The following CA10 variants were observed in gnomAD, a reference collection of about 807,000 sequenced individuals.
CA10 encodes the protein carbonic anhydrase 10 (inactive).
In CA10, 14 loss-of-function variants were observed where a neutral mutation model predicts 44.2. The ratio of observed to expected loss-of-function variants is 0.32; its 90% CI spans 0.21 to 0.50. The LOEUF (loss-of-function observed/expected upper bound fraction) is 0.50, where lower values mean the gene tolerates loss of function less well. CA10 is among the 20% of genes least tolerant of loss of function. The probability of loss-of-function intolerance (pLI) is 0.99; values close to 1 mark genes in which losing one functional copy is unlikely to be tolerated. For synonymous variants in CA10, 159 were observed against 141.6 expected, an observed-to-expected ratio of 1.12 and a Z score of -0.87; for missense variants, 350 against 409.7, an observed-to-expected ratio of 0.85 and a Z score of 1.26.
intron 2 of CA10, among the ~76,000 whole-genome samples, chr17:52,030,283 C>T (rs1055991969): frequency 6.6e-6 from 1 of 152,120 alleles, no homozygotes; most frequent in Non-Finnish European, 1.5e-5. Context: ...AAGATCATGC[C>T]GTAGGGCCTG....
chr17:51,732,272 T>G (rs950099351), intron 4 of CA10, among the ~76,000 whole-genome samples: 2 of 152,230 alleles, frequency 1.3e-5, no homozygotes, highest in African/African-American at 4.8e-5. Flanking sequence ...GTCCCTGTGA[T>G]GAGGAAGACT....
intron 3 of CA10, chr17:51,748,390 C>T: frequency 1.4e-6 from 1 of 721,954 alleles, no homozygotes; most frequent in South Asian, 6.3e-5. Flanking sequence ...TAAAGGGATT[C>T]ACTCAAACTT....
chr17:51,632,734 A>G (rs1044640883), intron 8 of CA10, among the ~76,000 whole-genome samples: 1 of 152,162 alleles, frequency 6.6e-6, no homozygotes, highest in African/African-American at 2.4e-5. Flanking sequence ...AGGGCTCTCC[A>G]AGACCCCATC....
chr17:52,136,940 T>TAAAAA (rs1989373440), intron 1 of CA10, among the ~76,000 whole-genome samples: 1 of 152,190 alleles, frequency 6.6e-6, no homozygotes, highest in Non-Finnish European at 1.5e-5. Context: ...TAATGTGATC[T>TAAAAA]TTTACTAAAT....
chr17:52,070,521 G>A (rs1987653079), intron 2 of CA10: 1 of 152,146 alleles, frequency 6.6e-6, no homozygotes, highest in Non-Finnish European at 1.5e-5. Flanking sequence ...CTTGCTGACA[G>A]TCCTACCAAC....
chr17:51,752,494 G>A (rs1405480841), intron 3 of CA10, among the ~76,000 whole-genome samples: 1 of 152,086 alleles, frequency 6.6e-6, no homozygotes. Context: ...AGCAAAGGAA[G>A]TAAGCGGGGG....
intron 1 of CA10, among the ~76,000 whole-genome samples, chr17:52,125,214 G>A (rs539278001): frequency 1.7e-4 from 26 of 152,314 alleles, no homozygotes; most frequent in African/African-American, 5.1e-4. Context: ...TTCCGCCATC[G>A]TGGTACCTCC....
At chr17:52,064,983 T>C (rs1388100340) in intron 2 of CA10, among the ~76,000 whole-genome samples, 1 of 152,224 alleles carries the variant, frequency 6.6e-6, no homozygotes, top group African/African-American at 2.4e-5. Context: ...TTCCAGGATC[T>C]CCATCCAAAT....
In CA10 at chr17:52,018,571, C is replaced by T. The variant is rs762345969; in HGVS notation, c.136+53748G>A. Among the ~76,000 whole-genome samples the T allele has an allele frequency of 2.6e-5, 4 of 152,028 alleles. 1 individual carries two copies. The highest frequency in any genetic ancestry group is 9.7e-5 in the African/African-American group (4 of 41,432). ...TTGAAATAGAAATGTTTACTCAATG[C>T]CTGTACCACCATTATATCTAGGAAA... On this transcript the variant is annotated intron_variant, in intron 2 of 8. Coordinates refer to ENST00000451037, the MANE Select transcript of CA10 (RefSeq NM_020178.5).
chr17:52,018,285 C>A (rs900972481), intron 2 of CA10, among the ~76,000 whole-genome samples: 2 of 152,250 alleles, frequency 1.3e-5, no homozygotes, highest in Non-Finnish European at 2.9e-5. Context: ...GAGCCACTGA[C>A]AGCTTATGCC....
chr17:51,977,136 A>C (rs1439957049), intron 2 of CA10, among the ~76,000 whole-genome samples: 2 of 151,524 alleles, frequency 1.3e-5, no homozygotes, highest in Admixed American at 1.3e-4. Context: ...ATATCCATTT[A>C]GCATATTCTT....
At chr17:51,717,529 G>GTATATATATATATATA (rs3031848) in intron 4 of CA10, among the ~76,000 whole-genome samples, 9 of 50,162 alleles carry the variant, frequency 1.8e-4, no homozygotes, top group African/African-American at 3.7e-4. Context: ...AAAGAAACTG[G>GTATATATATATATATA]TATATATATA....
At chr17:51,859,444 T>C (rs1979203262) in intron 3 of CA10, among the ~76,000 whole-genome samples, 1 of 152,164 alleles carries the variant, frequency 6.6e-6, no homozygotes, top group African/African-American at 2.4e-5. Flanking sequence ...CATATTGGAA[T>C]TACTTGGCTC....
At chr17:51,700,435 C>G (rs1278160773) in intron 4 of CA10, among the ~76,000 whole-genome samples, 4 of 152,186 alleles carry the variant, frequency 2.6e-5, no homozygotes, top group Admixed American at 6.5e-5. Context: ...CTTCTCCCAC[C>G]TCCGTTTGCT....
chr17:51,892,291 A>T (rs1567875417), intron 3 of CA10, among the ~76,000 whole-genome samples: 1 of 152,206 alleles, frequency 6.6e-6, no homozygotes, highest in Non-Finnish European at 1.5e-5. Context: ...AAGGACTTTA[A>T]CAGAACTATC....
chr17:51,811,192 A>G (rs1907351810), intron 3 of CA10, among the ~76,000 whole-genome samples: 1 of 31,630 alleles, frequency 3.2e-5, no homozygotes, highest in Admixed American at 3.8e-4. Flanking sequence ...TCCATCTCGA[A>G]AAAAAAAAAA....
chr17:51,892,217 T>C (rs1980889063), intron 3 of CA10, among the ~76,000 whole-genome samples: 2 of 152,196 alleles, frequency 1.3e-5, no homozygotes, highest in South Asian at 4.1e-4. Flanking sequence ...GTGGTGGAAC[T>C]GGGATTTGAA....
intron 3 of CA10, among the ~76,000 whole-genome samples, chr17:51,806,628 A>G (rs1211636363): frequency 3.3e-5 from 5 of 152,236 alleles, no homozygotes; most frequent in Admixed American, 3.3e-4. Context: ...ATGTTTGTTG[A>G]ATTGAATGAT....
chr17:51,715,498 A>T (rs1454402586), intron 4 of CA10, among the ~76,000 whole-genome samples: 1 of 152,190 alleles, frequency 6.6e-6, no homozygotes, highest in Non-Finnish European at 1.5e-5. Flanking sequence ...GTGTTGATAC[A>T]GGCATGCAAT....
Sources: gnomAD v4.1 joint callset for allele counts (sites outside exome capture counted in the v4.1 genomes callset) on GRCh38, gnomAD v4.1.1 for gene constraint, MANE v1.5 for transcripts, NCBI Gene and HGNC (gene_info 2026-07-23, HGNC 2026-07-21) for gene names.